CCDC9: variants seen among roughly 807,000 people sequenced by gnomAD.
CCDC9 encodes coiled-coil domain-containing protein 9.
In CCDC9, 52 loss-of-function variants were observed where a neutral mutation model predicts 65.6. The ratio of observed to expected loss-of-function variants is 0.79; its 90% confidence interval spans 0.63 to 1.00. The LOEUF is 1.00. Among genes scored for constraint, CCDC9 ranks in the 50% least tolerant of loss-of-function variants. The pLI is 0.00. For synonymous variants in CCDC9, 332 were observed against 280.3 expected (o/e 1.18, Z -1.84); for missense variants, 834 against 757.2 (o/e 1.10, Z -1.19).
At chr19:47,266,923 G>GGACC in intron 8 of CCDC9, 131 bp downstream of exon 8, 2 of 1,107,642 alleles carry the variant, frequency 1.8e-6, no homozygotes, top group South Asian at 3.3e-5. Context: ...GAGATGCCAT[G>GGACC]GACCAGCTGC....
chr19:47,258,397 C>A lies in CCDC9; in HGVS notation c.-4C>A. ...TGGGACCTTGGCTCCACGCAGCCAG[C>A]GAAATGGTGAGGCTGAAAAATGGGG... On this transcript the variant is annotated 5_prime_UTR_variant, in exon 2 of 12. Coordinates refer to ENST00000221922, the MANE Select transcript of CCDC9 (RefSeq NM_015603.3). 6.2e-7 allele frequency: 1 copy of A among 1,613,780 alleles called. No individual in the cohort carries two copies. Among genetic ancestry groups the A allele is most frequent in the Non-Finnish European group, 8.5e-7 (1 of 1,179,914 alleles).
downstream of CCDC9, chr19:47,275,006 C>G (rs2059148163): frequency 6.8e-7 from 1 of 1,477,262 alleles, no homozygotes; most frequent in African/African-American, 1.5e-5. Flanking sequence ...GCTGGCTGCG[C>G]TTGGCTCCGG....
intron 5 of CCDC9, among the ~76,000 whole-genome samples, chr19:47,263,825 A>T (rs1310530060): frequency 1.3e-5 from 2 of 151,352 alleles, no homozygotes; most frequent in Non-Finnish European, 2.9e-5. Flanking sequence ...CGGCCTTCCA[A>T]AGTGCTGGGA....
downstream of CCDC9, chr19:47,274,869 TG>T (rs2059146565): frequency 7.5e-6 from 6 of 804,774 alleles, no homozygotes; most frequent in Non-Finnish European, 8.4e-6. Flanking sequence ...CGGGGCCTGG[TG>T]GGGGCGGGGC....
At position 47,271,720 on chromosome 19, in the gene CCDC9, TGTGTGTGTGTGTGCGCGCGCGCGC is replaced by T. The variant is rs756709823; in HGVS notation, c.*44_*67del. On this transcript the variant is annotated 3_prime_UTR_variant, in exon 12 of 12. Transcript: ENST00000221922. ...GTGTGTGTGTGTGTGTGTGTGTGTG[TGTGTGTGTGTGTGCGCGCGCGCGC>T]GCGCGCGCGCGCGCGCTAGAGGGGT... 1.0e-3 allele frequency: 1,379 copies of T among 1,370,008 alleles called. No individual in the cohort carries two copies. Among genetic ancestry groups the T allele is most frequent in the East Asian group, 7.3e-3 (288 of 39,330 alleles). The allele number at this position is 1,370,008 out of a possible 1,614,324, so 84.9% of individuals were successfully genotyped here.
rs1296125820 is a variant in CCDC9 at position 47,258,628 on chromosome 19, C to G, written c.73C>G (p.Arg25Gly). The change falls in exon 3 of 12, where the codon CGG becomes GGG. Residue 25 changes from arginine to glycine, a missense_variant. Coordinates refer to ENST00000221922, the MANE Select transcript of CCDC9 (RefSeq NM_015603.3). ...AELDKRIEAL[R>G]RKNEALIRRY... ...GTTGGACAAGAGGATCGAGGCTCTT[C>G]GGCGGAAGAATGAGGCCCTCATCCG... is the stretch of plus-strand genomic sequence containing the variant. 8.1e-6 allele frequency: 13 copies of G among 1,613,984 alleles called. No individual in the cohort carries two copies. Among genetic ancestry groups the G allele is most frequent in the Non-Finnish European group, 1.0e-5 (12 of 1,179,974 alleles).
chr19:47,268,066 C>CT (rs2059094079), intron 8 of CCDC9, among the ~76,000 whole-genome samples: 1 of 152,134 alleles, frequency 6.6e-6, no homozygotes, highest in Non-Finnish European at 1.5e-5. Flanking sequence ...CCTGGCTGGT[C>CT]TTGAACTCCT....
rs975028120 is a variant in CCDC9, at chr19:47,256,613, A to G, written c.-72+4A>G. On this transcript the variant is annotated splice_donor_region_variant and intron_variant, in intron 1 of 11. Transcript: ENST00000221922. ...CGCCGCGGGGTCTCCGGGACAGGTG[A>G]CCTGGGGGAGGGGGCCGGGAGCGCG... is the stretch of plus-strand genomic sequence containing the variant. The G allele has an allele frequency of 2.8e-5, 4 of 141,720 alleles. No homozygotes were observed. The highest frequency in any genetic ancestry group is 7.7e-5 in the African/African-American group (3 of 39,194). The allele number at this position is 141,720 out of a possible 1,614,324, so 8.8% of individuals were successfully genotyped here. A position where few individuals can be genotyped will look rare whatever the true frequency, so the allele number is the denominator to read the frequency against.
chr19:47,258,709 CA>C lies in CCDC9; in HGVS notation c.108+47del, dbSNP rs780181569. ...GAGACCCCATCCCCTCTCTTCCCCGCAGTGAGTTTTTCTCACCTCTCCCTTC... is the reference window on the plus strand; with the variant it reads ...GAGACCCCATCCCCTCTCTTCCCCGCGTGAGTTTTTCTCACCTCTCCCTTC... On this transcript the variant is annotated intron_variant, in intron 3 of 11. Transcript: ENST00000221922. The C allele has an allele frequency of 5.5e-6, 8 of 1,453,024 alleles. No individual in the cohort carries two copies. The African/African-American group carries it at 1.1e-4, about 20-fold the overall frequency. 90.0% of individuals were successfully genotyped at this position (1,453,024 alleles called of 1,614,324 possible).
intron 7 of CCDC9, among the ~76,000 whole-genome samples, 181 bp downstream of exon 7, chr19:47,265,127 G>A (rs2059072969): frequency 6.6e-6 from 1 of 151,862 alleles, no homozygotes; most frequent in Admixed American, 6.6e-5. Flanking sequence ...GCACCATCTC[G>A]GCTCACTGCA....
At chr19:47,273,086 G>A (rs1600295145), downstream of CCDC9, among the ~76,000 whole-genome samples, 1 of 151,576 alleles carries the variant, frequency 6.6e-6, no homozygotes, top group Non-Finnish European at 1.5e-5. Context: ...CGGGGGCCCA[G>A]ACCCTCTGTC....
Position 47,264,606 on chromosome 19 carries a change from TG to T in CCDC9, c.469del (p.Glu157ArgfsTer11). Reference sequence around the variant, plus strand: ...GTCCCTATCTTTATCCCCCCAGGAGTGGGAGGAGCGGCGCAGGCAGAACATT... The same window carrying T: ...GTCCCTATCTTTATCCCCCCAGGAGTGGAGGAGCGGCGCAGGCAGAACATT... ...TSISDRKSKE[W>X]EERRRQNIEK... On this transcript the variant is annotated frameshift_variant, in exon 6 of 12. Transcript: ENST00000221922. LOFTEE classifies it high-confidence loss of function. 2 of 1,593,992 alleles carry T rather than the reference TG, an allele frequency of 1.3e-6. No homozygotes were observed. The highest frequency in any genetic ancestry group is 1.7e-6 in the Non-Finnish European group (2 of 1,170,546).
Position 47,267,064 on chromosome 19 carries a change from A to C in CCDC9, c.902+272A>C, listed in dbSNP as rs1215772043. On this transcript the variant is annotated intron_variant, in intron 8 of 11. Coordinates refer to ENST00000221922, the MANE Select transcript of CCDC9 (RefSeq NM_015603.3). ...ACCGCAAGCTCCGCCTCCCAGGTTCACACCACTCTCCTGCCTCAGCCTCCC... is the reference window on the plus strand; with the variant it reads ...ACCGCAAGCTCCGCCTCCCAGGTTCCCACCACTCTCCTGCCTCAGCCTCCC... 2.7e-5 allele frequency among the ~76,000 whole-genome samples: 4 copies of C among 150,596 alleles called. No homozygotes were observed. In the East Asian group the frequency reaches 7.9e-4, roughly 30 times the overall value.
At chr19:47,266,912 T>C (rs1157284321) in intron 8 of CCDC9, 120 bp downstream of exon 8, 5 of 1,189,658 alleles carry the variant, frequency 4.2e-6, no homozygotes, top group Non-Finnish European at 5.8e-6. Flanking sequence ...CCAAGTATCC[T>C]GAGATGCCAT....
At chr19:47,263,212 A>G (rs117098219) in intron 5 of CCDC9, among the ~76,000 whole-genome samples, 5,960 of 152,164 alleles carry the variant, frequency 0.039, 185 homozygotes, top group Non-Finnish European at 0.058. Flanking sequence ...TACTGTTATT[A>G]CCACCACTAT....
At chr19:47,257,154 G>A (rs936391521) in intron 1 of CCDC9, among the ~76,000 whole-genome samples, 6 of 151,828 alleles carry the variant, frequency 4.0e-5, no homozygotes, top group African/African-American at 1.2e-4. Flanking sequence ...GGGGAAGCGG[G>A]GAGTTGAGCC....
Position 47,260,304 on chromosome 19 carries a change from C to G in CCDC9, c.109-17C>G. 1.9e-6 allele frequency: 3 copies of G among 1,550,298 alleles called. No individual in the cohort carries two copies. The highest frequency in any genetic ancestry group is 2.6e-6 in the Non-Finnish European group (3 of 1,141,306). The stretch of plus-strand genomic sequence containing the variant: ...CAGGGCACCTGATGCTTCCCTACCC[C>G]GGCTGTCTGCTCCTAGGAGATTGAG... On this transcript the variant is annotated splice_polypyrimidine_tract_variant and intron_variant, in intron 3 of 11. Transcript: ENST00000221922.
At chr19:47,264,255 A>T (rs1044051226) in intron 5 of CCDC9, among the ~76,000 whole-genome samples, 1 of 152,176 alleles carries the variant, frequency 6.6e-6, no homozygotes, top group Non-Finnish European at 1.5e-5. Flanking sequence ...GGCTGAAGCA[A>T]TCCTCCTGCC....
At chr19:47,275,057 G>C, downstream of CCDC9, 2 of 1,494,196 alleles carry the variant, frequency 1.3e-6, no homozygotes, top group South Asian at 1.3e-5. Flanking sequence ...CTGCCGTGCT[G>C]CTCGCCGTGT....
Sources: gnomAD v4.1 joint callset for allele counts (sites outside exome capture counted in the v4.1 genomes callset) on GRCh38, gnomAD v4.1.1 for gene constraint, MANE v1.5 for transcripts, NCBI Gene and HGNC (gene_info 2026-07-23, HGNC 2026-07-21) for gene names.